SMG7: variants seen among roughly 807,000 people sequenced by gnomAD.
SMG7 encodes the protein SMG7 nonsense mediated mRNA decay factor.
Under a neutral mutation model 148.2 loss-of-function variants are expected in SMG7, and 34 were observed. The observed-to-expected ratio is 0.23, with a 90% CI of 0.17 to 0.31. The LOEUF (loss-of-function observed/expected upper bound fraction) is 0.31. Among genes scored for constraint, SMG7 ranks in the 10% least tolerant of loss-of-function variants. SMG7 has a pLI of 1.00. For missense variants in SMG7, 1,114 were observed against 1,408.4 expected, an observed-to-expected ratio of 0.79 and a Z score of 3.35; for synonymous variants, 492 against 515.1, an observed-to-expected ratio of 0.96 and a Z score of 0.61.
At chr1:183,545,646 T>C (rs959153142) in intron 16 of SMG7, among the ~76,000 whole-genome samples, 1 of 152,222 alleles carries the variant, frequency 6.6e-6, no homozygotes, top group Non-Finnish European at 1.5e-5. Flanking sequence ...AAGACAGATG[T>C]GACACCAATC....
chr1:183,547,915 G>A (rs1394488258), intron 18 of SMG7, among the ~76,000 whole-genome samples: 1 of 152,152 alleles, frequency 6.6e-6, no homozygotes, highest in Admixed American at 6.5e-5. Flanking sequence ...ATGCTTGTCA[G>A]TGTTCATATT....
intron 1 of SMG7, among the ~76,000 whole-genome samples, chr1:183,481,120 A>G (rs887460123): frequency 6.6e-6 from 1 of 152,160 alleles, no homozygotes; most frequent in South Asian, 2.1e-4. Context: ...AAACTCATTT[A>G]TCTGGTATTG....
intron 1 of SMG7, among the ~76,000 whole-genome samples, chr1:183,491,802 G>T (rs1257646335): frequency 6.6e-6 from 1 of 152,164 alleles, no homozygotes; most frequent in African/African-American, 2.4e-5. Flanking sequence ...AGATCCAGAG[G>T]CTGGGAAGTC....
chr1:183,495,116 C>T (rs113779302), intron 1 of SMG7, among the ~76,000 whole-genome samples: 23 of 152,052 alleles, frequency 1.5e-4, no homozygotes, highest in African/African-American at 3.1e-4. Context: ...CGTGAGCCAC[C>T]GTGCCCAGCC....
intron 20 of SMG7, among the ~76,000 whole-genome samples, chr1:183,550,450 C>T (rs1256874092): frequency 6.6e-6 from 1 of 152,186 alleles, no homozygotes; most frequent in African/African-American, 2.4e-5. Context: ...CTTTCTGATA[C>T]ATAAGACCAA....
chr1:183,480,624 G>T (rs1653841444), intron 1 of SMG7, among the ~76,000 whole-genome samples: 1 of 152,058 alleles, frequency 6.6e-6, no homozygotes, highest in Non-Finnish European at 1.5e-5. Context: ...GATAAAAAGA[G>T]ACTGTGCCCT....
intron 1 of SMG7, chr1:183,472,930 G>C: frequency 2.6e-6 from 1 of 388,652 alleles, no homozygotes; most frequent in Non-Finnish European, 4.6e-6. Context: ...CCTTGGTCTC[G>C]GGTTTGCTAG....
intron 21 of SMG7, 33 bp from the exon 22 acceptor site, chr1:183,551,012 C>T: frequency 6.2e-7 from 1 of 1,613,788 alleles, no homozygotes; most frequent in Non-Finnish European, 8.5e-7. Context: ...AGAACATCTT[C>T]TTGAATTTTT....
chr1:183,523,511 A>C (rs1665199073), intron 4 of SMG7, among the ~76,000 whole-genome samples: 1 of 152,244 alleles, frequency 6.6e-6, no homozygotes. Context: ...TGTATAATGA[A>C]GTAACTAAGT....
Position 183,526,511 on chromosome 1 carries a change from T to C in SMG7, c.313-85T>C, listed in dbSNP as rs1335365120. ...TTGTTCAGATTTCAGCAGTATGTGG[T>C]ACTAGGTACACATCTTACAGTTTAT... On this transcript the variant is annotated intron_variant, in intron 4 of 22. Transcript: ENST00000688051. 16 of 826,156 alleles carry C rather than the reference T, an allele frequency of 1.9e-5. No individual in the cohort carries two copies. In the East Asian group the frequency reaches 3.9e-4, roughly 20 times the overall value. 51.2% of individuals were successfully genotyped at this position (826,156 alleles called of 1,614,324 possible). A position where few individuals can be genotyped will look rare whatever the true frequency, so the allele number is the denominator to read the frequency against.
At chr1:183,492,739 G>C (rs1250764712) in intron 1 of SMG7, among the ~76,000 whole-genome samples, 2 of 151,844 alleles carry the variant, frequency 1.3e-5, no homozygotes, top group Admixed American at 6.6e-5. Context: ...ACTTTATTTG[G>C]ATTTAATATG....
At chr1:183,542,573 C>A in intron 14 of SMG7, 71 bp downstream of exon 14, 2 of 1,357,958 alleles carry the variant, frequency 1.5e-6, no homozygotes, top group Admixed American at 2.2e-5. Flanking sequence ...TCATTTTGTT[C>A]TAAAGCCATG....
intron 20 of SMG7, 167 bp downstream of exon 20, chr1:183,550,090 A>C (rs778481662): frequency 2.0e-5 from 12 of 592,914 alleles, no homozygotes; most frequent in African/African-American, 5.7e-5. Flanking sequence ...AAAAAAGAAG[A>C]AGCCGGTTTA....
intron 1 of SMG7, among the ~76,000 whole-genome samples, chr1:183,482,111 G>T (rs532720243): frequency 6.6e-6 from 1 of 152,268 alleles, no homozygotes; most frequent in South Asian, 2.1e-4. Context: ...TACTAGGAAT[G>T]ACTGAGTTTG....
intron 4 of SMG7, among the ~76,000 whole-genome samples, chr1:183,522,421 G>A (rs1291078364): frequency 1.3e-5 from 2 of 152,190 alleles, no homozygotes; most frequent in Non-Finnish European, 2.9e-5. Context: ...CAGCCCTGTT[G>A]AGTGCTGCTG....
At chr1:183,487,409 C>G (rs1655735543) in intron 1 of SMG7, among the ~76,000 whole-genome samples, 1 of 152,210 alleles carries the variant, frequency 6.6e-6, no homozygotes, top group Admixed American at 6.5e-5. Flanking sequence ...TCAATACACT[C>G]TCCCTTTCTC....
At chr1:183,516,464 A>G (rs892206195) in intron 3 of SMG7, among the ~76,000 whole-genome samples, 3 of 151,818 alleles carry the variant, frequency 2.0e-5, no homozygotes, top group Admixed American at 6.6e-5. Flanking sequence ...TTCCTCCCCT[A>G]CCCCCAATAA....
Position 183,533,146 on chromosome 1 carries a change from G to C in SMG7, c.844-18G>C. The C allele has an allele frequency of 6.2e-7, 1 of 1,610,098 alleles. No individual in the cohort carries two copies. Among genetic ancestry groups the C allele is most frequent in the South Asian group, 1.1e-5 (1 of 90,746 alleles). ...CTGTTCTTGATAATATATGCAGTAC[G>C]TCTGTCTTCTTTTACAGAGGCTGCT... On this transcript the variant is annotated intron_variant, in intron 8 of 22. Coordinates refer to ENST00000688051, the MANE Select transcript of SMG7 (RefSeq NM_001375584.1).
intron 1 of SMG7, among the ~76,000 whole-genome samples, chr1:183,507,788 C>G (rs754131060): frequency 1.3e-5 from 2 of 152,078 alleles, no homozygotes; most frequent in Non-Finnish European, 2.9e-5. Flanking sequence ...GTTGATTATT[C>G]CACGAGTATT....
Sources: gnomAD v4.1 joint callset for allele counts (sites outside exome capture counted in the v4.1 genomes callset) on GRCh38, gnomAD v4.1.1 for gene constraint, MANE v1.5 for transcripts, NCBI Gene and HGNC (gene_info 2026-07-23, HGNC 2026-07-21) for gene names.